Variants in RDX observed in about 807,000 individuals in gnomAD.
The protein encoded by RDX is deafness, autosomal recessive 24.
Under a neutral mutation model 83.7 loss-of-function variants are expected in RDX, and 32 were observed. The observed-to-expected ratio is 0.38, with a 90% CI of 0.29 to 0.51. The LOEUF (loss-of-function observed/expected upper bound fraction) is 0.51. RDX is among the 20% of genes least tolerant of loss of function. The pLI is 0.87. For missense variants in RDX, 600 were observed against 689.9 expected (o/e 0.87, Z 1.46); for synonymous variants, 229 against 222.7 (o/e 1.03, Z -0.25).
chr11:110,231,817 TTC>T lies in RDX; in HGVS notation c.*50_*51del. ...CCATCATATCTGCAAAGGCCTGCTT[TTC>T]TCTGTTGGTGGTTCAGCTTATGAAG... On this transcript the variant is annotated 3_prime_UTR_variant, in exon 14 of 14. Transcript: ENST00000645495. 1 of 1,604,460 alleles carries T rather than the reference TTC, an allele frequency of 6.2e-7. No individual in the cohort carries two copies.
intron 6 of RDX, 52 bp from the exon 7 acceptor site, chr11:110,257,965 A>T (rs1203212380): frequency 6.4e-7 from 1 of 1,563,502 alleles, no homozygotes; most frequent in South Asian, 1.1e-5. Context: ...ATATCAAACT[A>T]AAGTTGCAAA....
chr11:110,216,622 C>T lies in RDX; in HGVS notation c.1748+15251G>A, dbSNP rs183224934. On this transcript the variant is annotated intron_variant, in intron 14 of 15. Transcript: ENST00000528498. ...CACATTCCTGGCGTCAAGTGATCCTCTCACCTCAGCCTCCCAAAGTGCTGG... is the reference window on the plus strand; with the variant it reads ...CACATTCCTGGCGTCAAGTGATCCTTTCACCTCAGCCTCCCAAAGTGCTGG... Among the ~76,000 whole-genome samples, 399 of 151,072 alleles carry T rather than the reference C, an allele frequency of 2.6e-3. 2 individuals are homozygous for T. The highest frequency in any genetic ancestry group is 5.1e-3 in the African/African-American group (208 of 41,124).
At chr11:110,185,402 A>G (rs1862967067) in intron 15 of RDX, 1 of 152,210 alleles carries the variant, frequency 6.6e-6, no homozygotes, top group Non-Finnish European at 1.5e-5. Context: ...TTGAGGGAAC[A>G]ATAACAGAAT....
chr11:110,269,257 T>G (rs1860194441), intron 3 of RDX, among the ~76,000 whole-genome samples: 1 of 152,140 alleles, frequency 6.6e-6, no homozygotes, highest in African/African-American at 2.4e-5. Context: ...GGATTACAGG[T>G]GTGGGCCACC....
chr11:110,285,762 A>C (rs1860957379), intron 1 of RDX, among the ~76,000 whole-genome samples: 1 of 150,038 alleles, frequency 6.7e-6, no homozygotes, highest in Admixed American at 6.7e-5. Flanking sequence ...TAAATATATT[A>C]GTATGTTTTT....
intron 14 of RDX, among the ~76,000 whole-genome samples, chr11:110,222,603 C>G (rs921074628): frequency 6.6e-6 from 1 of 152,042 alleles, no homozygotes; most frequent in African/African-American, 2.4e-5. Context: ...GAGACCATCC[C>G]GGCTAACACG....
Position 110,264,071 on chromosome 11 carries a change from G to A in RDX, c.356C>T (p.Pro119Leu), listed in dbSNP as rs1859920271. 6.2e-7 allele frequency: 1 copy of A among 1,613,688 alleles called. No homozygotes were observed. Among genetic ancestry groups the A allele is most frequent in the Non-Finnish European group, 8.5e-7 (1 of 1,179,784 alleles). ...AILNDEIYCP[P>L]ETAVLLASYA... Reference sequence around the variant, plus strand: ...GGAAGCCAAAAGAACTGCAGTTTCTGGCGGGCAATATATCTCATCATTTAA... The same window carrying A: ...GGAAGCCAAAAGAACTGCAGTTTCTAGCGGGCAATATATCTCATCATTTAA... Residue 119 changes from proline (P) to leucine (L), a missense_variant, in exon 5 of 14, where the codon CCA (proline) becomes CTA (leucine). Physicochemically the swap from Pro to Leu is moderately conservative, Grantham distance 98. Coordinates refer to ENST00000645495, the MANE Select transcript of RDX (RefSeq NM_002906.4).
intron 14 of RDX, among the ~76,000 whole-genome samples, chr11:110,215,414 T>TAA (rs1864014237): frequency 4.8e-5 from 7 of 145,326 alleles, no homozygotes; most frequent in African/African-American, 7.7e-5. Context: ...ATAAATAAAA[T>TAA]AATAATAATG....
At chr11:110,211,530 C>T (rs1212639940) in intron 14 of RDX, among the ~76,000 whole-genome samples, 1 of 151,690 alleles carries the variant, frequency 6.6e-6, no homozygotes, top group Non-Finnish European at 1.5e-5. Context: ...ACAGAATATA[C>T]TTTTTTTTCA....
At chr11:110,204,262 CAAA>C (rs71476072) in intron 14 of RDX, among the ~76,000 whole-genome samples, 1 of 110,924 alleles carries the variant, frequency 9.0e-6, no homozygotes, top group Non-Finnish European at 1.9e-5. Flanking sequence ...TTAAGGTCAG[CAAA>C]AAAAAAAAAA....
At chr11:110,264,968 G>A in intron 3 of RDX, 94 bp from the exon 4 acceptor site, 3 of 831,960 alleles carry the variant, frequency 3.6e-6, no homozygotes, top group African/African-American at 1.7e-5. Flanking sequence ...ACAAAACTAT[G>A]TAAGTATACG....
chr11:110,205,903 A>T (rs771961620), intron 14 of RDX, among the ~76,000 whole-genome samples: 9 of 152,216 alleles, frequency 5.9e-5, no homozygotes, highest in Admixed American at 1.3e-4. Flanking sequence ...ACTAGAAAAC[A>T]TGAATAGAAG....
chr11:110,239,330 A>G (rs1011393715), intron 10 of RDX, among the ~76,000 whole-genome samples: 3 of 152,196 alleles, frequency 2.0e-5, no homozygotes, highest in African/African-American at 4.8e-5. Context: ...GCAAAGAGAG[A>G]TAATGGGTGT....
intron 15 of RDX, among the ~76,000 whole-genome samples, chr11:110,182,277 C>T (rs1403929608): frequency 1.3e-5 from 2 of 152,160 alleles, no homozygotes; most frequent in African/African-American, 4.8e-5. Flanking sequence ...TCTCCAGTGC[C>T]CAGGACTTTG....
chr11:110,189,243 T>TAAAAAAAAAAAAAAAAAAAAA lies in RDX; in HGVS notation c.*31+10317_*31+10337dup, dbSNP rs35450797. On this transcript the variant is annotated intron_variant, in intron 15 of 15. Transcript: ENST00000528498. ...AAACAAACTTTAAATGAACAACAGG[T>TAAAAAAAAAAAAAAAAAAAAA]AAAAAAAAAAAAAAAAAAAAAAAAA... Among the ~76,000 whole-genome samples the TAAAAAAAAAAAAAAAAAAAAA allele has an allele frequency of 3.4e-3, 120 of 35,588 alleles. 3 individuals are homozygous for TAAAAAAAAAAAAAAAAAAAAA. Among genetic ancestry groups the TAAAAAAAAAAAAAAAAAAAAA allele is most frequent in the Non-Finnish European group, 4.6e-3 (72 of 15,744 alleles). 23.3% of individuals were successfully genotyped at this position (35,588 alleles called of 152,430 possible).
intron 14 of RDX, among the ~76,000 whole-genome samples, chr11:110,203,486 A>G (rs1191937344): frequency 6.6e-6 from 1 of 151,912 alleles, no homozygotes; most frequent in Non-Finnish European, 1.5e-5. Context: ...ACTATAATCA[A>G]TAATAATTTA....
intron 8 of RDX, 30 bp from the exon 9 acceptor site, chr11:110,254,139 C>A (rs764262417): frequency 1.3e-6 from 2 of 1,589,282 alleles, no homozygotes; most frequent in East Asian, 4.5e-5. Context: ...AATTTAAAAT[C>A]TTCCTCAAGG....
chr11:110,196,902 G>A (rs1646027662), intron 15 of RDX, among the ~76,000 whole-genome samples: 3 of 152,116 alleles, frequency 2.0e-5, no homozygotes, highest in African/African-American at 7.2e-5. Context: ...CTTGTTCATG[G>A]CTTATTTTAT....
At chr11:110,182,882 CAAAAT>C (rs1862915410) in intron 15 of RDX, among the ~76,000 whole-genome samples, 1 of 152,114 alleles carries the variant, frequency 6.6e-6, no homozygotes, top group Admixed American at 6.5e-5. Context: ...TGGGGAGGAA[CAAAAT>C]AAAATATCTA....
Sources: gnomAD v4.1 joint callset for allele counts (sites outside exome capture counted in the v4.1 genomes callset) on GRCh38, gnomAD v4.1.1 for gene constraint, MANE v1.5 for transcripts, NCBI Gene and HGNC (gene_info 2026-07-23, HGNC 2026-07-21) for gene names.